Variants in FAM13B observed in about 807,000 individuals in gnomAD.
FAM13B encodes the protein family with sequence similarity 13 member B.
In FAM13B, 60 loss-of-function variants were observed where a neutral mutation model predicts 117.3. The observed-to-expected ratio is 0.51, with a 90% CI of 0.42 to 0.63. The LOEUF (loss-of-function observed/expected upper bound fraction) is 0.63, where lower values mean the gene tolerates loss of function less well. Among genes scored for constraint, FAM13B ranks in the 30% least tolerant of loss-of-function variants. The probability of loss-of-function intolerance (pLI) is 0.00; values close to 1 mark genes in which losing one functional copy is unlikely to be tolerated. For missense variants in FAM13B, 972 were observed against 1,091.9 expected, an observed-to-expected ratio of 0.89 and a Z score of 1.55; for synonymous variants, 332 against 356.1, an observed-to-expected ratio of 0.93 and a Z score of 0.76.
chr5:137,959,860 G>A, intron 12 of FAM13B, 97 bp from the exon 13 acceptor site: 1 of 1,210,092 alleles, frequency 8.3e-7, no homozygotes, highest in Non-Finnish European at 1.2e-6. Flanking sequence ...GTCTTCATTA[G>A]TTTACTGTGC....
intron 1 of FAM13B, among the ~76,000 whole-genome samples, chr5:138,044,752 A>C (rs1182866142): frequency 6.6e-6 from 1 of 152,212 alleles, no homozygotes; most frequent in Non-Finnish European, 1.5e-5. Flanking sequence ...TATCTACATG[A>C]TATAGAGAAC....
At chr5:137,992,117 G>A (rs1390212736) in intron 7 of FAM13B, among the ~76,000 whole-genome samples, 1 of 151,832 alleles carries the variant, frequency 6.6e-6, no homozygotes, top group Non-Finnish European at 1.5e-5. Context: ...TCATCATGTT[G>A]CCCAGGCTGG....
chr5:138,040,629 A>C (rs1253579724), intron 1 of FAM13B, among the ~76,000 whole-genome samples: 2 of 152,170 alleles, frequency 1.3e-5, no homozygotes, highest in African/African-American at 4.8e-5. Flanking sequence ...TATTCAAAGA[A>C]ATAGTGGCTG....
intron 13 of FAM13B, 115 bp downstream of exon 13, chr5:137,959,501 A>G (rs1340362897): frequency 1.1e-5 from 12 of 1,074,130 alleles, no homozygotes; most frequent in Non-Finnish European, 1.4e-5. Flanking sequence ...AAGGGAGAAC[A>G]GAAGATCAAG....
chr5:138,025,461 C>T (rs1788119230), intron 1 of FAM13B, among the ~76,000 whole-genome samples: 2 of 151,658 alleles, frequency 1.3e-5, no homozygotes, highest in Non-Finnish European at 2.9e-5. Context: ...GCATGAGTCA[C>T]TACTCCCGGC....
chr5:137,946,335 C>T (rs748903510), intron 18 of FAM13B, 24 bp from the exon 19 acceptor site: 2 of 1,126,304 alleles, frequency 1.8e-6, no homozygotes, highest in Non-Finnish European at 2.4e-6. Context: ...AAAAAAATAA[C>T]AAAATACAAA....
intron 4 of FAM13B, among the ~76,000 whole-genome samples, chr5:138,013,543 A>C (rs895963953): frequency 6.6e-6 from 1 of 152,120 alleles, no homozygotes; most frequent in African/African-American, 2.4e-5. Context: ...GAAAGGCTAC[A>C]GTCACATGAG....
chr5:138,016,144 TAA>T (rs1581258306), intron 4 of FAM13B, among the ~76,000 whole-genome samples: 1 of 152,242 alleles, frequency 6.6e-6, no homozygotes, highest in Non-Finnish European at 1.5e-5. Context: ...GTCATAATTT[TAA>T]ATGAAAACCA....
At chr5:138,031,278 A>G (rs1561550916) in intron 1 of FAM13B, among the ~76,000 whole-genome samples, 2 of 152,232 alleles carry the variant, frequency 1.3e-5, no homozygotes, top group East Asian at 3.8e-4. Flanking sequence ...TGCCACTGCA[A>G]TATGCCCTTC....
chr5:137,968,795 G>A (rs758745978), intron 10 of FAM13B, among the ~76,000 whole-genome samples: 33 of 152,220 alleles, frequency 2.2e-4, no homozygotes, highest in African/African-American at 4.8e-4. Context: ...TGCCTCACTC[G>A]GGAAGCGCAA....
intron 7 of FAM13B, among the ~76,000 whole-genome samples, chr5:137,992,010 G>A (rs1184948287): frequency 2.6e-5 from 4 of 152,078 alleles, no homozygotes; most frequent in South Asian, 4.2e-4. Flanking sequence ...CAGCCTCCAC[G>A]TCCGTCTCAA....
At chr5:137,976,146 G>C (rs908548212) in intron 10 of FAM13B, among the ~76,000 whole-genome samples, 2 of 151,714 alleles carry the variant, frequency 1.3e-5, no homozygotes, top group African/African-American at 4.8e-5. Context: ...TTGTAGAGAT[G>C]GGGTTTCACC....
chr5:138,031,747 C>T (rs909650990), intron 1 of FAM13B, among the ~76,000 whole-genome samples: 22 of 151,526 alleles, frequency 1.5e-4, no homozygotes, highest in East Asian at 7.7e-4. Context: ...TCAGTCCATT[C>T]AATTCCATCA....
intron 10 of FAM13B, among the ~76,000 whole-genome samples, chr5:137,967,200 T>C (rs1445520251): frequency 1.3e-5 from 2 of 152,072 alleles, no homozygotes; most frequent in East Asian, 3.9e-4. Flanking sequence ...TATTTGCGAC[T>C]GATCGTTAAG....
intron 10 of FAM13B, among the ~76,000 whole-genome samples, chr5:137,975,458 C>A (rs1773638379): frequency 6.6e-6 from 1 of 152,174 alleles, no homozygotes; most frequent in Non-Finnish European, 1.5e-5. Flanking sequence ...TGGCTCACTA[C>A]AAATTCATGT....
intron 7 of FAM13B, among the ~76,000 whole-genome samples, chr5:137,990,767 C>T (rs1462761583): frequency 6.6e-6 from 1 of 151,618 alleles, no homozygotes; most frequent in Non-Finnish European, 1.5e-5. Context: ...CCACCCTGGG[C>T]AACATAGCGA....
chr5:138,007,776 C>T (rs1719533566), intron 6 of FAM13B, among the ~76,000 whole-genome samples: 1 of 152,114 alleles, frequency 6.6e-6, no homozygotes, highest in Non-Finnish European at 1.5e-5. Context: ...AAACTGGCTA[C>T]GTAGGTAATC....
At chr5:137,953,155 A>T (rs894885852) in intron 16 of FAM13B, among the ~76,000 whole-genome samples, 181 bp downstream of exon 16, 1 of 152,236 alleles carries the variant, frequency 6.6e-6, no homozygotes, top group Non-Finnish European at 1.5e-5. Flanking sequence ...TGGCAAGAAT[A>T]CTGGCCTGGA....
At chr5:138,051,779 G>T (rs186660657) in intron 1 of FAM13B, 1 of 152,006 alleles carries the variant, frequency 6.6e-6, no homozygotes, top group East Asian at 1.9e-4. Flanking sequence ...TCAAACCCTG[G>T]TCTATTTTAC....
Sources: gnomAD v4.1 joint callset for allele counts (sites outside exome capture counted in the v4.1 genomes callset) on GRCh38, gnomAD v4.1.1 for gene constraint, MANE v1.5 for transcripts, NCBI Gene and HGNC (gene_info 2026-07-23, HGNC 2026-07-21) for gene names.